The following TCF4 variants were observed in gnomAD, a reference collection of about 807,000 sequenced individuals.
TCF4 encodes SL3-3 enhancer factor 2.
In TCF4, 3 loss-of-function variants were observed where a neutral mutation model predicts 82.1. That is an observed-to-expected ratio of 0.04 (90% CI 0.02 to 0.09). TCF4 has a LOEUF of 0.09. TCF4 is among the 10% of genes least tolerant of loss of function. The probability of loss-of-function intolerance (pLI) is 1.00; values close to 1 mark genes in which losing one functional copy is unlikely to be tolerated. For missense variants in TCF4, 518 were observed against 852.7 expected, an observed-to-expected ratio of 0.61 and a Z score of 4.89; for synonymous variants, 276 against 309.6, an observed-to-expected ratio of 0.89 and a Z score of 1.14.
chr18:55,634,760 A>G (rs1204699044), intron 1 of TCF4, among the ~76,000 whole-genome samples: 1 of 152,218 alleles, frequency 6.6e-6, no homozygotes, highest in African/African-American at 2.4e-5. Flanking sequence ...CTGATTCAAT[A>G]ATCTAGACAG....
chr18:55,247,928 A>G (rs958830620), intron 15 of TCF4, among the ~76,000 whole-genome samples: 3 of 152,224 alleles, frequency 2.0e-5, no homozygotes, highest in African/African-American at 7.2e-5. Flanking sequence ...TATTTGATGA[A>G]AATGGACTTT....
intron 3 of TCF4, among the ~76,000 whole-genome samples, chr18:55,544,631 T>C (rs1017429965): frequency 6.6e-6 from 1 of 152,146 alleles, no homozygotes; most frequent in Admixed American, 6.5e-5. Context: ...CTAACTATTA[T>C]ATATTACAAT....
intron 2 of TCF4, chr18:55,585,972 C>T: frequency 7.6e-7 from 1 of 1,320,276 alleles, no homozygotes; most frequent in Non-Finnish European, 9.8e-7. Context: ...ATAATGCACA[C>T]CTTCCCTGAG....
chr18:55,339,823 G>T (rs1324381143), intron 8 of TCF4, among the ~76,000 whole-genome samples: 2 of 152,130 alleles, frequency 1.3e-5, no homozygotes, highest in African/African-American at 4.8e-5. Context: ...TTCAACAGGG[G>T]CACTGAGAAA....
At chr18:55,306,507 C>G (rs749797932) in intron 8 of TCF4, among the ~76,000 whole-genome samples, 4 of 152,178 alleles carry the variant, frequency 2.6e-5, no homozygotes, top group Non-Finnish European at 4.4e-5. Context: ...CAAGAAAGGT[C>G]TGTATCACTT....
chr18:55,538,026 G>GCACACACACACACACACACA (rs57686777), intron 3 of TCF4, among the ~76,000 whole-genome samples: 7 of 131,504 alleles, frequency 5.3e-5, no homozygotes, highest in African/African-American at 8.1e-5. Context: ...CTGCGCGCGC[G>GCACACACACACACACACACA]CACACACACA....
intron 8 of TCF4, among the ~76,000 whole-genome samples, chr18:55,320,233 A>G (rs984245764): frequency 1.6e-4 from 24 of 152,146 alleles, no homozygotes; most frequent in African/African-American, 4.8e-4. Flanking sequence ...ATTTATGTTT[A>G]CAGATTTAAA....
chr18:55,474,749 T>C (rs2096255477), intron 3 of TCF4, among the ~76,000 whole-genome samples: 1 of 148,998 alleles, frequency 6.7e-6, no homozygotes, highest in African/African-American at 2.5e-5. Context: ...ATTTTTATTT[T>C]TTTTAAGTTT....
At chr18:55,577,114 A>ATATACATTTATATATTTATATATACATT (rs1568442856) in intron 3 of TCF4, among the ~76,000 whole-genome samples, 18 of 137,738 alleles carry the variant, frequency 1.3e-4, no homozygotes, top group African/African-American at 4.3e-4. Context: ...ATATATGTAT[A>ATATACATTTATATATTTATATATACATT]TATACATTTA....
chr18:55,404,458 C>A (rs904127572), intron 5 of TCF4: 1 of 152,198 alleles, frequency 6.6e-6, no homozygotes, highest in African/African-American at 2.4e-5. Context: ...TAAGACCCCA[C>A]CCCACGCAAG....
chr18:55,377,492 C>A (rs2091038115), intron 6 of TCF4, among the ~76,000 whole-genome samples: 1 of 152,172 alleles, frequency 6.6e-6, no homozygotes, highest in African/African-American at 2.4e-5. Context: ...TAGACCCAGA[C>A]TCAAGCACAA....
intron 5 of TCF4, among the ~76,000 whole-genome samples, chr18:55,438,474 G>A (rs7230658): frequency 1 from 152,005 of 152,296 alleles, 75,859 homozygotes; most frequent in East Asian, 1. Flanking sequence ...TCTACATAAA[G>A]AAACGCAAAT....
intron 10 of TCF4, among the ~76,000 whole-genome samples, chr18:55,272,516 C>G (rs764649902): frequency 6.6e-6 from 1 of 152,046 alleles, no homozygotes; most frequent in Non-Finnish European, 1.5e-5. Context: ...CCCAAGAGTC[C>G]TGTATTTCGT....
At chr18:55,394,063 G>A (rs1300357627) in intron 6 of TCF4, among the ~76,000 whole-genome samples, 1 of 152,156 alleles carries the variant, frequency 6.6e-6, no homozygotes, top group African/African-American at 2.4e-5. Context: ...ATGATGGGGA[G>A]GGCATTGTTC....
At chr18:55,588,629 C>A (rs1378446048), upstream of TCF4, 6 of 1,441,652 alleles carry the variant, frequency 4.2e-6, no homozygotes, top group Non-Finnish European at 5.5e-6. Context: ...CATCCACACA[C>A]GGCAAAGCAA....
intron 8 of TCF4, among the ~76,000 whole-genome samples, chr18:55,309,545 A>G (rs1269121232): frequency 6.6e-6 from 1 of 152,218 alleles, no homozygotes; most frequent in African/African-American, 2.4e-5. Context: ...GTAACGATCA[A>G]ATTAGAACTG....
intron 12 of TCF4, 133 bp from the exon 13 acceptor site, chr18:55,260,160 G>A (rs2057735944): frequency 1.4e-6 from 1 of 703,106 alleles, no homozygotes; most frequent in African/African-American, 1.8e-5. Flanking sequence ...ATCAACTACA[G>A]TACCAAAATT....
chr18:55,486,562 A>G (rs943973179), intron 3 of TCF4, among the ~76,000 whole-genome samples: 1 of 152,212 alleles, frequency 6.6e-6, no homozygotes, highest in Non-Finnish European at 1.5e-5. Context: ...ACTGCACTCC[A>G]GCGTGGGTGA....
At chr18:55,378,394 A>G (rs1418084249) in intron 6 of TCF4, among the ~76,000 whole-genome samples, 1 of 152,210 alleles carries the variant, frequency 6.6e-6, no homozygotes, top group Admixed American at 6.5e-5. Context: ...ATCATATGAA[A>G]TATGTGCTAA....
Sources: gnomAD v4.1 joint callset for allele counts (sites outside exome capture counted in the v4.1 genomes callset) on GRCh38, gnomAD v4.1.1 for gene constraint, MANE v1.5 for transcripts, NCBI Gene and HGNC (gene_info 2026-07-23, HGNC 2026-07-21) for gene names.